Variants in PSD3 observed in about 807,000 individuals in gnomAD.
The protein encoded by PSD3 is PH and SEC7 domain-containing protein 3.
PSD3 carries 49 observed loss-of-function variants against 105.5 expected under a neutral mutation model. That is an observed-to-expected ratio of 0.46 (90% CI 0.37 to 0.59). The LOEUF (loss-of-function observed/expected upper bound fraction) is 0.59, where lower values mean the gene tolerates loss of function less well. Among genes scored for constraint, PSD3 ranks in the 20% least tolerant of loss-of-function variants. The pLI is 0.00. For missense variants in PSD3, 1,561 were observed against 1,263.8 expected (o/e 1.24, Z -3.57); for synonymous variants, 557 against 457.8 (o/e 1.22, Z -2.77).
chr8:18,890,831 G>A (rs2129459584), intron 2 of PSD3, among the ~76,000 whole-genome samples: 1 of 152,028 alleles, frequency 6.6e-6, no homozygotes, highest in Middle Eastern at 3.4e-3. Flanking sequence ...GGGGGAGGGG[G>A]AACAAAGAGA....
At chr8:18,672,304 C>T (rs900146358) in intron 9 of PSD3, among the ~76,000 whole-genome samples, 1 of 151,472 alleles carries the variant, frequency 6.6e-6, no homozygotes, top group African/African-American at 2.4e-5. Flanking sequence ...AAAAAAAAAA[C>T]TTGCTGGGTA....
At chr8:18,625,597 G>T (rs1407327930) in intron 11 of PSD3, among the ~76,000 whole-genome samples, 1 of 152,246 alleles carries the variant, frequency 6.6e-6, no homozygotes, top group East Asian at 1.9e-4. Flanking sequence ...GTGACAGACT[G>T]TCCCAACTAC....
chr8:18,654,392 C>T (rs184998269), intron 10 of PSD3, among the ~76,000 whole-genome samples: 2 of 152,116 alleles, frequency 1.3e-5, no homozygotes, highest in Admixed American at 6.5e-5. Flanking sequence ...TGTTAGGTCA[C>T]GTGGTAAAAC....
intron 9 of PSD3, among the ~76,000 whole-genome samples, chr8:18,762,443 A>G (rs1214438423): frequency 6.6e-6 from 1 of 152,226 alleles, no homozygotes; most frequent in African/African-American, 2.4e-5. Flanking sequence ...ATTACTCAGT[A>G]TCAGGTATTT....
intron 1 of PSD3, among the ~76,000 whole-genome samples, chr8:19,077,502 C>G (rs1829497113): frequency 6.6e-6 from 1 of 152,138 alleles, no homozygotes; most frequent in African/African-American, 2.4e-5. Context: ...GCAGCCCTGC[C>G]ATTATCTGAC....
At chr8:18,731,458 T>C (rs1803744373) in intron 9 of PSD3, among the ~76,000 whole-genome samples, 1 of 152,218 alleles carries the variant, frequency 6.6e-6, no homozygotes, top group Admixed American at 6.5e-5. Flanking sequence ...TTTTATCTAT[T>C]TGATACTTAA....
intron 1 of PSD3, among the ~76,000 whole-genome samples, chr8:18,985,965 C>A (rs1825478352): frequency 6.6e-6 from 1 of 151,850 alleles, no homozygotes. Flanking sequence ...CTTTGTTACT[C>A]AAAGTTCTAT....
intron 1 of PSD3, among the ~76,000 whole-genome samples, chr8:19,021,528 T>C (rs1463606089): frequency 6.6e-6 from 1 of 151,282 alleles, no homozygotes; most frequent in Non-Finnish European, 1.5e-5. Flanking sequence ...CTGACAGAAA[T>C]TGATTTATAT....
chr8:19,049,314 C>G (rs1828433787), intron 1 of PSD3, among the ~76,000 whole-genome samples: 1 of 152,122 alleles, frequency 6.6e-6, no homozygotes, highest in South Asian at 2.1e-4. Flanking sequence ...AGGAAGAGGT[C>G]AGAAATCCCT....
Position 18,867,912 on chromosome 8 carries a change from A to G in PSD3, c.1396T>C (p.Ser466Pro), listed in dbSNP as rs1421401950. The G allele has an allele frequency of 6.2e-7, 1 of 1,614,066 alleles. No homozygotes were observed. The highest frequency in any genetic ancestry group is 8.5e-7 in the Non-Finnish European group (1 of 1,180,030). Residue 466 changes from serine to proline, a missense_variant, in exon 4 of 16, where the codon TCA (serine) becomes CCA (proline). Physicochemically the swap from Ser to Pro is moderately conservative, Grantham distance 74 (BLOSUM62 -1). Coordinates refer to ENST00000327040, the MANE Select transcript of PSD3 (RefSeq NM_015310.4). ...YSAESLETLY[S>P]EPDSYFSFEM... Reference sequence around the variant, plus strand: ...AAGCTAAAATAGCTATCAGGCTCTGAGTATAATGTCTCCAGGGACTCTGCA... The same window carrying G: ...AAGCTAAAATAGCTATCAGGCTCTGGGTATAATGTCTCCAGGGACTCTGCA...
chr8:18,781,884 A>T (rs1808669820), intron 8 of PSD3, among the ~76,000 whole-genome samples: 1 of 151,690 alleles, frequency 6.6e-6, no homozygotes, highest in Non-Finnish European at 1.5e-5. Context: ...CTTCGTTTTT[A>T]TTTTTTTTAA....
chr8:18,798,857 GTAAAAGACTAGA>G (rs1810423505), intron 8 of PSD3, among the ~76,000 whole-genome samples: 1 of 147,804 alleles, frequency 6.8e-6, no homozygotes, highest in Non-Finnish European at 1.5e-5. Flanking sequence ...ATTTCAACTA[GTAAAAGACTAGA>G]TAAGCTGAGG....
chr8:18,840,605 C>T (rs1178622683), intron 4 of PSD3, among the ~76,000 whole-genome samples: 1 of 152,184 alleles, frequency 6.6e-6, no homozygotes, highest in Non-Finnish European at 1.5e-5. Flanking sequence ...ATTAGTATGT[C>T]CACCTGGCAG....
At position 18,872,284 on chromosome 8, in the gene PSD3, A is replaced by C; in HGVS notation, c.580T>G (p.Leu194Val). Residue 194 changes from leucine (L) to valine (V), a missense_variant, in exon 3 of 16, where the codon TTA becomes GTA. Leu to Val is a conservative substitution (Grantham distance 32). Coordinates refer to ENST00000327040, the MANE Select transcript of PSD3 (RefSeq NM_015310.4). ...TCAGCTGAAAGAGGTATTTCTGGTA[A>C]ATTTTTTTGGCCAGCAGGGAGCGTT... ...NKTLPAGQKN[L>V]PEIPLSAEVT... The C allele has an allele frequency of 6.2e-7, 1 of 1,614,164 alleles. No individual in the cohort carries two copies. Among genetic ancestry groups the C allele is most frequent in the Non-Finnish European group, 8.5e-7 (1 of 1,180,012 alleles).
chr8:18,962,508 A>G (rs543489430), intron 1 of PSD3, among the ~76,000 whole-genome samples: 1 of 152,316 alleles, frequency 6.6e-6, no homozygotes, highest in South Asian at 2.1e-4. Context: ...TTTGGAAAAA[A>G]AATGGCAAAC....
chr8:18,854,102 G>A (rs1031270932), intron 4 of PSD3: 5 of 152,126 alleles, frequency 3.3e-5, no homozygotes, highest in Admixed American at 6.6e-5. Context: ...AGTTACCTTC[G>A]TCAGCAAACA....
At chr8:18,914,627 G>C (rs334743) in intron 2 of PSD3, among the ~76,000 whole-genome samples, 8,678 of 152,146 alleles carry the variant, frequency 0.057, 586 homozygotes, top group African/African-American at 0.16. Flanking sequence ...CCTACAAAAA[G>C]TAAAATACTT....
intron 9 of PSD3, among the ~76,000 whole-genome samples, chr8:18,718,490 G>A (rs1433837151): frequency 6.6e-6 from 1 of 152,052 alleles, no homozygotes; most frequent in Non-Finnish European, 1.5e-5. Context: ...GGACTAGAAG[G>A]GAATATTCAA....
intron 6 of PSD3, chr8:18,803,131 CA>C: frequency 4.8e-6 from 1 of 209,536 alleles, no homozygotes. Flanking sequence ...ACTAAAAATA[CA>C]AATAATTAGC....
Sources: allele counts gnomAD v4.1 joint callset (sites outside exome capture counted in the v4.1 genomes callset), GRCh38; gene constraint gnomAD v4.1.1; transcripts MANE v1.5; gene names NCBI Gene and HGNC (gene_info 2026-07-23, HGNC 2026-07-21).